ASIC2: variants seen among roughly 807,000 people sequenced by gnomAD.
The protein encoded by ASIC2 is acid sensing ion channel subunit 2.
Under a neutral mutation model 57.3 loss-of-function variants are expected in ASIC2, and 25 were observed. The ratio of observed to expected loss-of-function variants is 0.44; its 90% CI spans 0.32 to 0.61. The LOEUF is 0.61. Among genes scored for constraint, ASIC2 ranks in the 20% least tolerant of loss-of-function variants. The pLI is 0.06. For missense variants in ASIC2, 641 were observed against 738.1 expected, an observed-to-expected ratio of 0.87 and a Z score of 1.52; for synonymous variants, 319 against 307.5, an observed-to-expected ratio of 1.04 and a Z score of -0.39.
chr17:33,431,658 TA>T (rs1272703086), intron 1 of ASIC2, among the ~76,000 whole-genome samples: 2 of 152,044 alleles, frequency 1.3e-5, no homozygotes, highest in African/African-American at 4.8e-5. Context: ...TATTTTAGAG[TA>T]TTGCACAAAA....
At chr17:33,432,787 C>T (rs150351103) in intron 1 of ASIC2, among the ~76,000 whole-genome samples, 1 of 152,120 alleles carries the variant, frequency 6.6e-6, no homozygotes, top group Non-Finnish European at 1.5e-5. Context: ...ACGTGACCAA[C>T]AAGCATATGA....
At chr17:33,383,597 CT>C (rs1909566020) in intron 1 of ASIC2, among the ~76,000 whole-genome samples, 1 of 152,204 alleles carries the variant, frequency 6.6e-6, no homozygotes, top group South Asian at 2.1e-4. Context: ...GGATCAATTC[CT>C]CCATGTCTCA....
At chr17:34,153,036 G>C (rs985901391) in intron 1 of ASIC2, among the ~76,000 whole-genome samples, 1 of 152,144 alleles carries the variant, frequency 6.6e-6, no homozygotes, top group Non-Finnish European at 1.5e-5. Flanking sequence ...TCCCACACCT[G>C]GCTTCCCTGG....
chr17:33,799,443 T>TTTCTTTC (rs1912052748), intron 1 of ASIC2, among the ~76,000 whole-genome samples: 833 of 78,238 alleles, frequency 0.011, 7 homozygotes, highest in Non-Finnish European at 0.015. Context: ...TCTTTCTTTC[T>TTTCTTTC]TTCTTTCTTT....
chr17:33,995,380 C>A (rs1004053054), intron 1 of ASIC2, among the ~76,000 whole-genome samples: 4 of 152,134 alleles, frequency 2.6e-5, no homozygotes, highest in Non-Finnish European at 5.9e-5. Context: ...TCTCCCCTGT[C>A]CATCCTTTAC....
At chr17:34,012,168 G>A (rs534592120) in intron 1 of ASIC2, among the ~76,000 whole-genome samples, 14 of 152,184 alleles carry the variant, frequency 9.2e-5, no homozygotes, top group East Asian at 3.9e-4. Flanking sequence ...GCATTCAAGC[G>A]GTCACGGAAA....
At chr17:33,297,441 G>A (rs989309053), upstream of ASIC2, among the ~76,000 whole-genome samples, 1 of 152,278 alleles carries the variant, frequency 6.6e-6, no homozygotes, top group East Asian at 1.9e-4. Context: ...CAGCAATGAT[G>A]GGTTCTTGGT....
chr17:33,519,238 G>A (rs568087310), intron 1 of ASIC2, among the ~76,000 whole-genome samples: 1 of 152,334 alleles, frequency 6.6e-6, no homozygotes, highest in South Asian at 2.1e-4. Context: ...CATGGAGGGA[G>A]GCCATAAGGC....
chr17:33,532,716 C>T (rs751300407), intron 1 of ASIC2, among the ~76,000 whole-genome samples: 2 of 152,216 alleles, frequency 1.3e-5, no homozygotes, highest in Non-Finnish European at 2.9e-5. Context: ...ATCATCTTTT[C>T]ACGAGATGAT....
At chr17:33,173,292 TG>T (rs1006630833) in intron 1 of ASIC2, among the ~76,000 whole-genome samples, 22 of 152,116 alleles carry the variant, frequency 1.4e-4, no homozygotes, top group Admixed American at 5.9e-4. Context: ...GCAGGCTATC[TG>T]GGGTGGCAGC....
intron 1 of ASIC2, among the ~76,000 whole-genome samples, chr17:33,589,307 C>A (rs1380305847): frequency 6.6e-6 from 1 of 152,140 alleles, no homozygotes; most frequent in East Asian, 1.9e-4. Context: ...TTTCAGAAGG[C>A]CATGAGCCCC....
chr17:33,802,583 C>T (rs1222400154), intron 1 of ASIC2, among the ~76,000 whole-genome samples: 1 of 152,174 alleles, frequency 6.6e-6, no homozygotes, highest in Non-Finnish European at 1.5e-5. Context: ...TGAACCTGCT[C>T]CAACAACAGA....
At chr17:33,657,484 G>A (rs896150384) in intron 1 of ASIC2, among the ~76,000 whole-genome samples, 5 of 152,190 alleles carry the variant, frequency 3.3e-5, no homozygotes, top group African/African-American at 9.6e-5. Context: ...AAAATTCAGT[G>A]GGAAGCAGGA....
chr17:33,431,622 A>C (rs982913432), intron 1 of ASIC2, among the ~76,000 whole-genome samples: 1 of 152,192 alleles, frequency 6.6e-6, no homozygotes, highest in African/African-American at 2.4e-5. Context: ...GAAGAGAGTC[A>C]GGAAATCTCA....
At chr17:33,443,758 T>TAG (rs1331873666) in intron 1 of ASIC2, among the ~76,000 whole-genome samples, 1 of 152,186 alleles carries the variant, frequency 6.6e-6, no homozygotes, top group Non-Finnish European at 1.5e-5. Flanking sequence ...ATTTACTTGT[T>TAG]AGAGAGAGGC....
At chr17:33,806,925 T>A (rs1212585761) in intron 1 of ASIC2, among the ~76,000 whole-genome samples, 1 of 152,208 alleles carries the variant, frequency 6.6e-6, no homozygotes. Flanking sequence ...GTCACCACCA[T>A]GATAAACATT....
chr17:34,096,498 A>G (rs1206993837), intron 1 of ASIC2, among the ~76,000 whole-genome samples: 2 of 152,340 alleles, frequency 1.3e-5, no homozygotes, highest in East Asian at 3.9e-4. Flanking sequence ...GCAAAGCCAC[A>G]GAGATGATGC....
intron 1 of ASIC2, among the ~76,000 whole-genome samples, chr17:33,875,617 T>C (rs890255426): frequency 6.6e-6 from 1 of 152,180 alleles, no homozygotes; most frequent in African/African-American, 2.4e-5. Flanking sequence ...TCTGAACTTC[T>C]GGGCTAGTCA....
At chr17:33,272,118 C>T (rs918496504) in intron 1 of ASIC2, among the ~76,000 whole-genome samples, 3 of 152,212 alleles carry the variant, frequency 2.0e-5, no homozygotes, top group African/African-American at 7.2e-5. Context: ...GGCTCAAATG[C>T]CACCTGTTCA....
Sources: gnomAD v4.1 joint callset for allele counts (sites outside exome capture counted in the v4.1 genomes callset) on GRCh38, gnomAD v4.1.1 for gene constraint, MANE v1.5 for transcripts, NCBI Gene and HGNC (gene_info 2026-07-23, HGNC 2026-07-21) for gene names.